Variants in SLX9 observed in about 807,000 individuals in gnomAD.
SLX9 encodes the protein ribosome biogenesis protein SLX9 homolog.
SLX9 carries 19 observed loss-of-function variants against 20.8 expected under a neutral mutation model. The ratio of observed to expected loss-of-function variants is 0.91; its 90% CI spans 0.64 to 1.34. The LOEUF (loss-of-function observed/expected upper bound fraction) is 1.34. Ranked by LOEUF, SLX9 falls within the 40% of genes most tolerant of loss-of-function variation. The pLI, the probability that SLX9 is intolerant of heterozygous loss-of-function variation, is 0.00. For synonymous variants in SLX9, 113 were observed against 137.1 expected (o/e 0.82, Z 1.23); for missense variants, 299 against 322.2 (o/e 0.93, Z 0.55).
At chr21:44,949,576 C>G (rs1310555262) in intron 2 of SLX9, among the ~76,000 whole-genome samples, 3 of 152,196 alleles carry the variant, frequency 2.0e-5, no homozygotes, top group African/African-American at 7.2e-5. Flanking sequence ...GAGGCCTACT[C>G]TTAGACGCCG....
At chr21:44,942,983 T>C (rs1013625666) in intron 1 of SLX9, among the ~76,000 whole-genome samples, 1 of 152,214 alleles carries the variant, frequency 6.6e-6, no homozygotes, top group Non-Finnish European at 1.5e-5. Flanking sequence ...TATTTTTAAG[T>C]GCCTTTAGCT....
intron 1 of SLX9, among the ~76,000 whole-genome samples, chr21:44,941,302 CT>C (rs2084543209): frequency 1.3e-5 from 2 of 152,132 alleles, no homozygotes. Flanking sequence ...GAATGTATCA[CT>C]TTTTGTGGAA....
chr21:44,940,842 C>T (rs11088972), intron 1 of SLX9, among the ~76,000 whole-genome samples: 65,140 of 151,918 alleles, frequency 0.43, 15,267 homozygotes, highest in African/African-American at 0.62. Flanking sequence ...TTTTCTGCCC[C>T]TTTCTGTCAC....
At chr21:44,950,414 G>T (rs1448399865) in intron 2 of SLX9, among the ~76,000 whole-genome samples, 1 of 152,248 alleles carries the variant, frequency 6.6e-6, no homozygotes, top group Non-Finnish European at 1.5e-5. Flanking sequence ...GGGTCAGATG[G>T]CCTCGGCTTG....
At chr21:44,943,913 A>G in intron 2 of SLX9, 76 bp downstream of exon 2, 1 of 1,589,118 alleles carries the variant, frequency 6.3e-7, no homozygotes, top group East Asian at 2.3e-5. Flanking sequence ...CCGAGGTCTC[A>G]GCAGCTTTCC....
At chr21:44,957,221 C>T (rs933283910) in intron 2 of SLX9, among the ~76,000 whole-genome samples, 2 of 152,244 alleles carry the variant, frequency 1.3e-5, no homozygotes, top group Admixed American at 6.5e-5. Flanking sequence ...TTTCTAGTCA[C>T]TCCCCAAGGG....
At chr21:44,967,795 A>G (rs1409042677) in intron 4 of SLX9, among the ~76,000 whole-genome samples, 1 of 152,132 alleles carries the variant, frequency 6.6e-6, no homozygotes, top group African/African-American at 2.4e-5. Context: ...GCTTGTCCTC[A>G]TGGGGCGGGA....
At chr21:44,972,265 GTCC>G (rs1415914675) in intron 4 of SLX9, among the ~76,000 whole-genome samples, 1 of 152,174 alleles carries the variant, frequency 6.6e-6, no homozygotes, top group Non-Finnish European at 1.5e-5. Flanking sequence ...CCAGGTCGCT[GTCC>G]CATGTGAACA....
chr21:44,973,838 T>A (rs888203983), intron 5 of SLX9, among the ~76,000 whole-genome samples: 20 of 152,198 alleles, frequency 1.3e-4, no homozygotes, highest in Admixed American at 5.9e-4. Context: ...GGGGGGCTTT[T>A]CAGTGCAGTC....
chr21:44,953,513 C>T (rs890604560), intron 2 of SLX9, among the ~76,000 whole-genome samples: 3 of 151,226 alleles, frequency 2.0e-5, no homozygotes, highest in African/African-American at 7.4e-5. Flanking sequence ...TGGGGCCCTG[C>T]ATCCGGGCCT....
At chr21:44,961,005 G>A (rs1451403897) in intron 3 of SLX9, among the ~76,000 whole-genome samples, 1 of 152,128 alleles carries the variant, frequency 6.6e-6, no homozygotes, top group Admixed American at 6.5e-5. Context: ...TTCAGAGGTA[G>A]GACCTAGAAA....
upstream of SLX9, chr21:44,939,899 C>A (rs1283180372): frequency 1.9e-5 from 13 of 697,460 alleles, no homozygotes; most frequent in South Asian, 4.4e-5. Flanking sequence ...AGCGCCGCCA[C>A]CCTACACCCG....
chr21:44,945,474 C>T (rs914482750), intron 2 of SLX9, among the ~76,000 whole-genome samples: 6 of 152,204 alleles, frequency 3.9e-5, no homozygotes, highest in Non-Finnish European at 7.3e-5. Context: ...TGGCCCTCTC[C>T]CTTCAAGCCC....
chr21:44,973,110 C>T, intron 4 of SLX9, 87 bp from the exon 5 acceptor site: 1 of 1,487,048 alleles, frequency 6.7e-7, no homozygotes, highest in Admixed American at 1.7e-5. Context: ...GACGTCTGCT[C>T]TAAGAAGGGA....
intron 2 of SLX9, 88 bp downstream of exon 2, chr21:44,943,925 G>A: frequency 1.3e-6 from 2 of 1,559,640 alleles, no homozygotes; most frequent in Non-Finnish European, 1.7e-6. Flanking sequence ...CAGCTTTCCA[G>A]CTAACCTGTA....
At chr21:44,971,811 G>A (rs968975444) in intron 4 of SLX9, among the ~76,000 whole-genome samples, 1 of 152,202 alleles carries the variant, frequency 6.6e-6, no homozygotes, top group Non-Finnish European at 1.5e-5. Context: ...GGCTGGCCAG[G>A]GGGGCAGAGC....
chr21:44,973,671 C>T (rs1456275059), intron 5 of SLX9, among the ~76,000 whole-genome samples: 1 of 148,702 alleles, frequency 6.7e-6, no homozygotes, highest in East Asian at 2.0e-4. Context: ...CCCGCCCACC[C>T]TCTCCAGGGG....
intron 1 of SLX9, among the ~76,000 whole-genome samples, chr21:44,942,173 C>A (rs977654455): frequency 1.3e-5 from 2 of 152,202 alleles, no homozygotes; most frequent in Non-Finnish European, 2.9e-5. Flanking sequence ...GAAAAGCAGT[C>A]GTCTGCCGTA....
chr21:44,963,375 CT>C (rs34354955), intron 3 of SLX9, among the ~76,000 whole-genome samples: 22,007 of 146,886 alleles, frequency 0.15, 1,693 homozygotes, highest in Admixed American at 0.21. Context: ...GGCGTGAGAA[CT>C]TTTTTTTTTT....
Sources: gnomAD v4.1 joint callset for allele counts (sites outside exome capture counted in the v4.1 genomes callset) on GRCh38, gnomAD v4.1.1 for gene constraint, MANE v1.5 for transcripts, NCBI Gene and HGNC (gene_info 2026-07-23, HGNC 2026-07-21) for gene names.